The following MAGI2 variants were observed in gnomAD, a reference collection of about 807,000 sequenced individuals.
The protein encoded by MAGI2 is membrane-associated guanylate kinase, WW and PDZ domain-containing protein 2.
Under a neutral mutation model 133.3 loss-of-function variants are expected in MAGI2, and 35 were observed. The ratio of observed to expected loss-of-function variants is 0.26; its 90% CI spans 0.20 to 0.35. The LOEUF (loss-of-function observed/expected upper bound fraction) is 0.35, where lower values mean the gene tolerates loss of function less well. Among genes scored for constraint, MAGI2 ranks in the 10% least tolerant of loss-of-function variants. MAGI2 has a pLI of 1.00. For synonymous variants in MAGI2, 729 were observed against 710.6 expected, an observed-to-expected ratio of 1.03 and a Z score of -0.41; for missense variants, 1,636 against 1,863.4, an observed-to-expected ratio of 0.88 and a Z score of 2.25.
intron 6 of MAGI2, among the ~76,000 whole-genome samples, chr7:78,391,534 A>G (rs910256793): frequency 1.3e-5 from 2 of 152,232 alleles, no homozygotes; most frequent in African/African-American, 4.8e-5. Flanking sequence ...AGGAATAGGC[A>G]TCTATTTTTT....
intron 5 of MAGI2, among the ~76,000 whole-genome samples, chr7:78,500,980 CAGG>C (rs1481753247): frequency 2.0e-5 from 3 of 152,114 alleles, no homozygotes; most frequent in Non-Finnish European, 4.4e-5. Flanking sequence ...CCCAGCTACT[CAGG>C]AGACTGAGGC....
At chr7:78,456,175 A>T (rs1213686893) in intron 6 of MAGI2, among the ~76,000 whole-genome samples, 1 of 151,904 alleles carries the variant, frequency 6.6e-6, no homozygotes, top group Non-Finnish European at 1.5e-5. Flanking sequence ...TACCTTTAAT[A>T]TTAGAGTAGT....
intron 1 of MAGI2, among the ~76,000 whole-genome samples, chr7:79,197,308 C>G (rs1342861383): frequency 6.6e-6 from 1 of 151,840 alleles, no homozygotes; most frequent in East Asian, 1.9e-4. Context: ...CTGACTATGC[C>G]TGAAATAAAA....
intron 1 of MAGI2, among the ~76,000 whole-genome samples, chr7:79,201,492 A>T (rs1241643943): frequency 6.6e-6 from 1 of 151,888 alleles, no homozygotes; most frequent in Non-Finnish European, 1.5e-5. Flanking sequence ...AGTATATTCC[A>T]TGAATAGTGT....
intron 20 of MAGI2, among the ~76,000 whole-genome samples, chr7:78,096,048 G>A (rs370260967): frequency 3.9e-5 from 6 of 152,266 alleles, no homozygotes; most frequent in African/African-American, 1.4e-4. Context: ...AAGGGTTACC[G>A]ACTAATGTGT....
chr7:78,917,187 A>C (rs1319713963), intron 2 of MAGI2, among the ~76,000 whole-genome samples: 1 of 152,092 alleles, frequency 6.6e-6, no homozygotes, highest in African/African-American at 2.4e-5. Flanking sequence ...AGGAAGAAGA[A>C]GGAGTCTAAG....
intron 20 of MAGI2, among the ~76,000 whole-genome samples, chr7:78,116,258 AC>A (rs1819857792): frequency 1.3e-5 from 2 of 152,174 alleles, no homozygotes; most frequent in Admixed American, 1.3e-4. Context: ...TGTATTTGGA[AC>A]TTAATGAACA....
At chr7:78,269,883 G>A (rs143819782) in intron 9 of MAGI2, among the ~76,000 whole-genome samples, 29,897 of 152,028 alleles carry the variant, frequency 0.2, 3,326 homozygotes, top group South Asian at 0.31. Context: ...TTCTTCTAGG[G>A]TTTCTATGGT....
In MAGI2 at chr7:78,125,687, T is replaced by C. The variant is rs1208075151; in HGVS notation, c.3567+7A>G. On this transcript the variant is annotated splice_region_variant and intron_variant, in intron 20 of 21. Transcript: ENST00000354212. ...TAAGCAATTCTATAAAAAGAGACTG[T>C]TCTTACCCTCATCCTCCCATTCCTT... is the stretch of plus-strand genomic sequence containing the variant. 6.2e-7 allele frequency: 1 copy of C among 1,613,524 alleles called. No individual in the cohort carries two copies. Among genetic ancestry groups the C allele is most frequent in the Non-Finnish European group, 8.5e-7 (1 of 1,179,628 alleles).
At chr7:78,460,941 AACAC>A (rs5885065) in intron 6 of MAGI2, among the ~76,000 whole-genome samples, 30,887 of 150,214 alleles carry the variant, frequency 0.21, 3,207 homozygotes, top group Middle Eastern at 0.28. Flanking sequence ...GATCTGGTAA[AACAC>A]ACACACACAC....
chr7:79,317,248 G>A (rs752959442), intron 1 of MAGI2, among the ~76,000 whole-genome samples: 5 of 151,790 alleles, frequency 3.3e-5, no homozygotes, highest in Non-Finnish European at 7.4e-5. Context: ...GGTCTTGAAC[G>A]CCTGACCTCA....
At chr7:78,685,951 C>T (rs868569278) in intron 2 of MAGI2, among the ~76,000 whole-genome samples, 20 of 126,482 alleles carry the variant, frequency 1.6e-4, no homozygotes, top group Admixed American at 3.8e-4. Flanking sequence ...CCTGCTCTTA[C>T]TTTCTTTTTC....
At chr7:79,026,713 A>C (rs1460790105) in intron 1 of MAGI2, among the ~76,000 whole-genome samples, 1 of 152,082 alleles carries the variant, frequency 6.6e-6, no homozygotes, top group African/African-American at 2.4e-5. Context: ...TTTCCACTAA[A>C]AATACAAAAA....
rs1370539569 is a variant in MAGI2 at position 79,007,154 on chromosome 7, C to G, written c.354G>C (p.Lys118Asn). The change falls in exon 2 of 22, where the codon AAG becomes AAC. Residue 118 changes from lysine to asparagine, a missense_variant. Coordinates refer to ENST00000354212, the MANE Select transcript of MAGI2 (RefSeq NM_012301.4). ...LRHYLNLRFQ[K>N]GSVDHELQQI... The stretch of plus-strand genomic sequence containing the variant: ...GCTGAAGCTCATGGTCCACAGAACC[C>G]TTTTGAAATCGTAAGTTGAGGTAGT... The G allele has an allele frequency of 6.2e-7, 1 of 1,613,462 alleles. No homozygotes were observed. The highest frequency in any genetic ancestry group is 2.2e-5 in the East Asian group (1 of 44,808).
intron 1 of MAGI2, among the ~76,000 whole-genome samples, chr7:79,399,090 C>CTTTTTTTTTTTTTTTTTTTTTTTTTT (rs1337058211): frequency 9.9e-6 from 1 of 101,438 alleles, no homozygotes; most frequent in South Asian, 3.7e-4. Flanking sequence ...TTTTTTTTTT[C>CTTTTTTTTTTTTTTTTTTTTTTTTTT]TTTTCTTTTT....
intron 2 of MAGI2, among the ~76,000 whole-genome samples, chr7:78,979,340 G>C (rs896230480): frequency 1.3e-5 from 2 of 150,894 alleles, no homozygotes; most frequent in Non-Finnish European, 3.0e-5. Flanking sequence ...TTAAGAAAGA[G>C]GTCAAAAAAG....
At chr7:78,404,529 C>T (rs1349044037) in intron 6 of MAGI2, among the ~76,000 whole-genome samples, 1 of 151,968 alleles carries the variant, frequency 6.6e-6, no homozygotes, top group Non-Finnish European at 1.5e-5. Flanking sequence ...TCTACAACCA[C>T]CTGATCTTTG....
intron 1 of MAGI2, among the ~76,000 whole-genome samples, chr7:79,206,761 A>C (rs1829094038): frequency 6.6e-6 from 1 of 151,728 alleles, no homozygotes; most frequent in East Asian, 1.9e-4. Flanking sequence ...ATGACATTAC[A>C]AAAAAAATTA....
chr7:79,036,189 T>C (rs1584752782), intron 1 of MAGI2, among the ~76,000 whole-genome samples: 1 of 152,196 alleles, frequency 6.6e-6, no homozygotes, highest in Admixed American at 6.5e-5. Flanking sequence ...TCCAAATAAC[T>C]TTCACGGATA....
Sources: gnomAD v4.1 joint callset for allele counts (sites outside exome capture counted in the v4.1 genomes callset) on GRCh38, gnomAD v4.1.1 for gene constraint, MANE v1.5 for transcripts, NCBI Gene and HGNC (gene_info 2026-07-23, HGNC 2026-07-21) for gene names.